Variants in PTPN21 observed in about 807,000 individuals in gnomAD.
PTPN21 encodes protein tyrosine phosphatase non-receptor type 21.
Under a neutral mutation model 131.8 loss-of-function variants are expected in PTPN21, and 77 were observed. The ratio of observed to expected loss-of-function variants is 0.58; its 90% CI spans 0.49 to 0.71. The LOEUF is 0.71. PTPN21 is among the 30% of genes least tolerant of loss of function. PTPN21 has a pLI of 0.00. For missense variants in PTPN21, 1,552 were observed against 1,527.1 expected (o/e 1.02, Z -0.27); for synonymous variants, 715 against 621.3 (o/e 1.15, Z -2.24).
At position 88,469,644 on chromosome 14, in the gene PTPN21, G is replaced by A; in HGVS notation, c.3090C>T (p.Thr1030=). The A allele has an allele frequency of 6.2e-7, 1 of 1,614,100 alleles. No homozygotes were observed. The highest frequency in any genetic ancestry group is 8.5e-7 in the Non-Finnish European group (1 of 1,180,020). The part of the protein sequence containing the change: ...TVTYGRFKIT[T]RFRTDSGCYA... The stretch of plus-strand genomic sequence containing the variant: ...AGCAGCCAGAGTCTGTGCGGAACCG[G>A]GTCGTGATCTTAAACCTTCCATAGG... Residue 1030 remains threonine, a synonymous_variant, in exon 17 of 19, where the codon ACC becomes ACT. Transcript: ENST00000556564. The surrounding 1 kb of genome is among the most constrained non-coding windows in gnomAD (Gnocchi z 4.3).
intron 2 of PTPN21, among the ~76,000 whole-genome samples, chr14:88,547,220 A>G (rs1204114446): frequency 1.3e-5 from 2 of 152,120 alleles, no homozygotes; most frequent in African/African-American, 4.8e-5. Flanking sequence ...CAGTTCCTCA[A>G]GAAGCTGACT....
rs2078905947 is a variant in PTPN21 at position 88,554,988 on chromosome 14, G to A, written c.-540C>T. Among the ~76,000 whole-genome samples, 1 of 88,704 alleles carries A rather than the reference G, an allele frequency of 1.1e-5. No individual in the cohort carries two copies. Among genetic ancestry groups the A allele is most frequent in the African/African-American group, 3.7e-5 (1 of 26,740 alleles). The allele number at this position is 88,704 out of a possible 152,430, so 58.2% of individuals were successfully genotyped here. A position where few individuals can be genotyped will look rare whatever the true frequency, so the allele number is the denominator to read the frequency against. ...CGCGGGACGCGCGGCCGGAGCAGCG[G>A]GGCGGCCGGGCCCAGGCGTCCCTCC... is the stretch of plus-strand genomic sequence containing the variant. On this transcript the variant is annotated 5_prime_UTR_variant, in exon 1 of 19. Coordinates refer to ENST00000556564, the MANE Select transcript of PTPN21 (RefSeq NM_007039.4).
intron 3 of PTPN21, among the ~76,000 whole-genome samples, chr14:88,511,749 A>C (rs2078187721): frequency 6.6e-6 from 1 of 152,218 alleles, no homozygotes; most frequent in Admixed American, 6.5e-5. Flanking sequence ...GAATAAAAGA[A>C]ATTGCACGTT....
At chr14:88,530,412 G>A (rs2078539533) in intron 2 of PTPN21, among the ~76,000 whole-genome samples, 1 of 152,182 alleles carries the variant, frequency 6.6e-6, no homozygotes, top group Admixed American at 6.5e-5. Flanking sequence ...CTAGCACGAT[G>A]AATAGAGCAG....
chr14:88,506,522 C>T (rs1279322402), intron 4 of PTPN21, among the ~76,000 whole-genome samples: 1 of 152,148 alleles, frequency 6.6e-6, no homozygotes, highest in Non-Finnish European at 1.5e-5. Flanking sequence ...AAGCAATCCT[C>T]CCACATTGGC....
intron 10 of PTPN21, among the ~76,000 whole-genome samples, chr14:88,489,625 G>A (rs1276886477): frequency 1.3e-5 from 2 of 152,190 alleles, no homozygotes; most frequent in East Asian, 3.9e-4. Context: ...ACTCCAGCCT[G>A]GAAGACAGAG....
intron 4 of PTPN21, among the ~76,000 whole-genome samples, chr14:88,505,740 T>C (rs902270890): frequency 2.0e-5 from 3 of 152,200 alleles, no homozygotes; most frequent in South Asian, 2.1e-4. Flanking sequence ...CTCTGGGGAA[T>C]AGACTTAGAC....
rs187941483 is a variant in PTPN21 at position 88,550,636 on chromosome 14, G to A, written c.-202-17C>T. ...ACGCCAGCGCTGGGGAAAGAGGAAC[G>A]CCGTTAGTTAAGCAAACGTAACGCT... On this transcript the variant is annotated splice_polypyrimidine_tract_variant and intron_variant, in intron 1 of 18. Transcript: ENST00000556564. 2.9e-5 allele frequency: 14 copies of A among 484,938 alleles called. No homozygotes were observed. The highest frequency in any genetic ancestry group is 2.0e-4 in the East Asian group (6 of 29,970). The allele number at this position is 484,938 out of a possible 1,614,324, so 30.0% of individuals were successfully genotyped here. A position where few individuals can be genotyped will look rare whatever the true frequency, so the allele number is the denominator to read the frequency against.
intron 13 of PTPN21, 58 bp downstream of exon 13, chr14:88,478,859 AAAG>A (rs1401885023): frequency 8.4e-7 from 1 of 1,191,664 alleles, no homozygotes; most frequent in Non-Finnish European, 1.1e-6. Context: ...GTGATGAGTG[AAAG>A]AAGCGCCAGG....
intron 2 of PTPN21, among the ~76,000 whole-genome samples, chr14:88,532,302 T>C (rs1420450415): frequency 6.6e-6 from 1 of 152,134 alleles, no homozygotes; most frequent in Non-Finnish European, 1.5e-5. Context: ...GGAAAGGACA[T>C]AACAAGTACA....
rs2140097699 is a variant in PTPN21 at position 88,479,451 on chromosome 14, C to T, written c.1980G>A (p.Ser660=). The change falls in exon 13 of 19, where the codon TCG becomes TCA. Residue 660 remains serine (S), a synonymous_variant. Transcript: ENST00000556564. ...LRLKERTLSA[S]AAEVAPRAVS... is the part of the protein sequence containing the mutation. ...CGGCTCGCGGCGCCACCTCTGCCGC[C>T]GACGCGGATAGGGTGCGCTCCTTGA... 6.2e-7 allele frequency: 1 copy of T among 1,602,240 alleles called. No individual in the cohort carries two copies. The highest frequency in any genetic ancestry group is 8.5e-7 in the Non-Finnish European group (1 of 1,178,630).
chr14:88,471,831 A>T (rs2077473595), intron 15 of PTPN21, among the ~76,000 whole-genome samples: 1 of 152,102 alleles, frequency 6.6e-6, no homozygotes, highest in South Asian at 2.1e-4. Flanking sequence ...GCCAGGCAAC[A>T]CAAGGTCAAG....
intron 10 of PTPN21, among the ~76,000 whole-genome samples, chr14:88,487,880 C>T (rs1351170988): frequency 6.7e-5 from 10 of 149,952 alleles, no homozygotes; most frequent in Admixed American, 6.7e-5. Flanking sequence ...GCAGGAGAAT[C>T]GCTTGAGCCA....
chr14:88,479,869 G>A lies in PTPN21; in HGVS notation c.1562C>T (p.Pro521Leu), dbSNP rs146808465. 1.9e-6 allele frequency: 3 copies of A among 1,576,556 alleles called. No homozygotes were observed. The highest frequency in any genetic ancestry group is 1.3e-5 in the African/African-American group (1 of 74,746). ...CTCGGCAGGGTAGGGGTAGGGAGAC[G>A]GGCTGTGGAAGCTGTAGCTCAGGCT... is the stretch of plus-strand genomic sequence containing the variant. ...PFSLSYSFHS[P>L]SPYPYPAERR... The change falls in exon 13 of 19, where the codon CCG becomes CTG. Residue 521 changes from proline to leucine, a missense_variant. By Grantham distance (98) the Pro-to-Leu change is moderately conservative. Around this residue, in one of 4 missense-constraint regions of PTPN21, gnomAD observed 1,016 missense variants for 883.5 expected, o/e 1.15. Transcript: ENST00000556564.
chr14:88,524,090 A>G (rs2078440280), intron 2 of PTPN21, among the ~76,000 whole-genome samples: 1 of 152,192 alleles, frequency 6.6e-6, no homozygotes, highest in African/African-American at 2.4e-5. Context: ...ACCTATCACA[A>G]TCCCAATATG....
intron 2 of PTPN21, among the ~76,000 whole-genome samples, chr14:88,548,704 GA>G (rs1390895395): frequency 1.3e-5 from 2 of 152,168 alleles, no homozygotes; most frequent in East Asian, 3.8e-4. Context: ...TTTTTAGGTG[GA>G]ATAACCAGTT....
intron 2 of PTPN21, among the ~76,000 whole-genome samples, chr14:88,521,833 T>G (rs1244111844): frequency 6.6e-6 from 1 of 152,154 alleles, no homozygotes; most frequent in Non-Finnish European, 1.5e-5. Flanking sequence ...ATTATAAAAT[T>G]TCTGGTTTAT....
chr14:88,473,619 C>CG, intron 14 of PTPN21, 46 bp downstream of exon 14: 2 of 1,576,488 alleles, frequency 1.3e-6, no homozygotes. Context: ...TAGTATTTAC[C>CG]GGTTGTTCCA....
Position 88,479,638 on chromosome 14 carries a change from C to T in PTPN21, c.1793G>A (p.Arg598His), listed in dbSNP as rs1440201924. The T allele has an allele frequency of 1.3e-6, 2 of 1,561,640 alleles. No individual in the cohort carries two copies. The highest frequency in any genetic ancestry group is 1.4e-5 in the African/African-American group (1 of 73,754). ...SSSNPDLITR[R>H]VHHSVQTFQE... is the part of the protein sequence containing the mutation. ...GAACGTTTGCACCGAGTGGTGCACG[C>T]GCCGCGTGATGAGGTCGGGGTTGCT... is the stretch of plus-strand genomic sequence containing the variant. Residue 598 changes from arginine to histidine, a missense_variant, in exon 13 of 19, where the codon CGC becomes CAC. Arg to His is a conservative substitution (Grantham distance 29, BLOSUM62 0). Coordinates refer to ENST00000556564, the MANE Select transcript of PTPN21 (RefSeq NM_007039.4).
Sources: allele counts gnomAD v4.1 joint callset (sites outside exome capture counted in the v4.1 genomes callset), GRCh38; gene constraint gnomAD v4.1.1; regional missense constraint gnomAD v4.1.1; non-coding constraint Gnocchi (gnomAD v3.1); transcripts MANE v1.5; gene names NCBI Gene and HGNC (gene_info 2026-07-23, HGNC 2026-07-21).